The following PRELID3A variants were observed in gnomAD, a reference collection of about 807,000 sequenced individuals.
PRELID3A encodes the protein PRELI domain containing 3A.
Under a neutral mutation model 23.0 loss-of-function variants are expected in PRELID3A, and 27 were observed. The observed-to-expected ratio is 1.17, with a 90% CI of 0.87 to 1.62. The LOEUF (loss-of-function observed/expected upper bound fraction) is 1.62, where lower values mean the gene tolerates loss of function less well. Ranked by LOEUF, PRELID3A falls within the 40% of genes most tolerant of loss-of-function variation. The pLI is 0.00. For missense variants in PRELID3A, 231 were observed against 231.4 expected (o/e 1.00, Z 0.01); for synonymous variants, 87 against 86.4 (o/e 1.01, Z -0.04).
At chr18:12,419,973 C>T in intron 1 of PRELID3A, 1 of 330,146 alleles carries the variant, frequency 3.0e-6, no homozygotes, top group Non-Finnish European at 5.3e-6. Context: ...CCTGTAGTCC[C>T]AGCTACTGGA....
In PRELID3A at chr18:12,420,504, C is replaced by T. The variant is rs1454762734; in HGVS notation, c.201+11C>T. ...AGCCTCGTGAGAGCGGTGAGCGGGGCGGGGGCTGCGGCTCCGAACGCGCCC... is the reference window on the plus strand; with the variant it reads ...AGCCTCGTGAGAGCGGTGAGCGGGGTGGGGGCTGCGGCTCCGAACGCGCCC... On this transcript the variant is annotated intron_variant, in intron 2 of 6. Transcript: ENST00000440960. 7 of 1,511,446 alleles carry T rather than the reference C, an allele frequency of 4.6e-6. No homozygotes were observed. Among genetic ancestry groups the T allele is most frequent in the East Asian group, 5.0e-5 (2 of 39,746 alleles). 93.6% of individuals were successfully genotyped at this position (1,511,446 alleles called of 1,614,324 possible).
Position 12,408,004 on chromosome 18 carries a change from T to G in PRELID3A, c.29T>G (p.Phe10Cys). Residue 10 changes from phenylalanine to cysteine, a missense_variant, in exon 1 of 7, where the codon TTT (phenylalanine) becomes TGT (cysteine). Phe to Cys is a radical substitution (Grantham distance 205, BLOSUM62 -2). Coordinates refer to ENST00000440960, the MANE Select transcript of PRELID3A (RefSeq NM_001142405.2). ...AAGATCTGGAGCTCGGAGCACGTGT[T>G]TGGGTGAGGCCGGGCTGAGGGCCGC... MKIWSSEHV[F>C]GHPWDTVIQA... 7.8e-7 allele frequency: 1 copy of G among 1,287,396 alleles called. No individual in the cohort carries two copies. Among genetic ancestry groups the G allele is most frequent in the Non-Finnish European group, 9.8e-7 (1 of 1,018,276 alleles). The allele number at this position is 1,287,396 out of a possible 1,614,324, so 79.7% of individuals were successfully genotyped here.
Position 12,427,063 on chromosome 18 carries a change from C to A in PRELID3A, c.314C>A (p.Ser105Ter). The A allele has an allele frequency of 6.2e-7, 1 of 1,612,842 alleles. No homozygotes were observed. The highest frequency in any genetic ancestry group is 1.1e-5 in the South Asian group (1 of 91,046). The change falls in exon 4 of 7, where the codon TCA becomes TAA. Residue 105 changes from serine (S) to a stop codon, truncating the protein, a stop_gained. Coordinates refer to ENST00000440960, the MANE Select transcript of PRELID3A (RefSeq NM_001142405.2). LOFTEE classifies it high-confidence loss of function. The part of the protein sequence containing the change: ...STNITLTNLV[S>*]VNERLVYTPH... ...AAGATCACACTCACAAATTTGGTGT[C>A]AGTTAATGAGAGGTTGGTGTACACA...
intron 1 of PRELID3A, among the ~76,000 whole-genome samples, chr18:12,416,273 C>T (rs1401499969): frequency 6.6e-6 from 1 of 152,126 alleles, no homozygotes; most frequent in Admixed American, 6.6e-5. Context: ...GAAAGCGTGT[C>T]AGGCTATTTT....
At chr18:12,426,314 G>A (rs1172904147) in intron 3 of PRELID3A, among the ~76,000 whole-genome samples, 1 of 151,534 alleles carries the variant, frequency 6.6e-6, no homozygotes, top group Non-Finnish European at 1.5e-5. Flanking sequence ...CAGCACTTTG[G>A]GAGGCCAAGG....
chr18:12,414,162 A>T (rs1047627441), intron 1 of PRELID3A, among the ~76,000 whole-genome samples: 5 of 151,888 alleles, frequency 3.3e-5, no homozygotes, highest in African/African-American at 4.8e-5. Context: ...CTTGGGCCGC[A>T]GCAGCAGAGG....
At chr18:12,416,417 T>C (rs1598857522) in intron 1 of PRELID3A, among the ~76,000 whole-genome samples, 1 of 152,138 alleles carries the variant, frequency 6.6e-6, no homozygotes, top group Admixed American at 6.6e-5. Flanking sequence ...TAGGTGATCC[T>C]CCTGCCTCAA....
In PRELID3A at chr18:12,432,152, C is replaced by T. The variant is rs1312069008; in HGVS notation, c.*1036C>T. 6.6e-6 allele frequency: 1 copy of T among 152,274 alleles called. No individual in the cohort carries two copies. Among genetic ancestry groups the T allele is most frequent in the Non-Finnish European group, 1.5e-5 (1 of 68,056 alleles). 9.4% of individuals were successfully genotyped at this position (152,274 alleles called of 1,614,324 possible). On this transcript the variant is annotated 3_prime_UTR_variant, in exon 7 of 7. Transcript: ENST00000440960. ...GTCGGCTCTTTTTCGCAAAGCCTTCCAGAAGTTTTCTGTGCTTATGAAAGC... is the reference window on the plus strand; with the variant it reads ...GTCGGCTCTTTTTCGCAAAGCCTTCTAGAAGTTTTCTGTGCTTATGAAAGC...
At chr18:12,421,263 AG>A (rs1426737088) in intron 2 of PRELID3A, 1 of 419,498 alleles carries the variant, frequency 2.4e-6, no homozygotes, top group African/African-American at 2.0e-5. Context: ...CGCCCGGCAG[AG>A]GGGCCTCCTA....
chr18:12,415,403 G>C (rs1399754234), intron 1 of PRELID3A, among the ~76,000 whole-genome samples: 2 of 152,048 alleles, frequency 1.3e-5, no homozygotes, highest in Non-Finnish European at 2.9e-5. Flanking sequence ...GGGACTACAG[G>C]TGTGCGCCAC....
At chr18:12,419,348 G>T (rs2030066792) in intron 1 of PRELID3A, among the ~76,000 whole-genome samples, 1 of 138,024 alleles carries the variant, frequency 7.2e-6, no homozygotes, top group Non-Finnish European at 1.5e-5. Context: ...AAAAAAGTTG[G>T]CCAGGCGTGG....
chr18:12,413,275 C>T (rs1012628240), intron 1 of PRELID3A, among the ~76,000 whole-genome samples: 1 of 152,096 alleles, frequency 6.6e-6, no homozygotes, highest in African/African-American at 2.4e-5. Flanking sequence ...TATGTCTCTA[C>T]AAAAAATAAA....
At chr18:12,426,390 TA>T (rs1361346893) in intron 3 of PRELID3A, among the ~76,000 whole-genome samples, 1 of 147,150 alleles carries the variant, frequency 6.8e-6, no homozygotes, top group African/African-American at 2.5e-5. Context: ...CCGTCTCTAC[TA>T]AAAATACAAA....
chr18:12,418,540 G>A (rs2030036066), intron 1 of PRELID3A, among the ~76,000 whole-genome samples: 2 of 152,216 alleles, frequency 1.3e-5, no homozygotes, highest in East Asian at 1.9e-4. Flanking sequence ...ATAGGTGTGT[G>A]CACACATCTG....
intron 3 of PRELID3A, among the ~76,000 whole-genome samples, chr18:12,426,343 A>G (rs1269555156): frequency 6.6e-6 from 1 of 151,448 alleles, no homozygotes; most frequent in Non-Finnish European, 1.5e-5. Context: ...TCACGAGGTC[A>G]GGAGATCGAG....
At chr18:12,421,087 C>A (rs1242731693) in intron 2 of PRELID3A, among the ~76,000 whole-genome samples, 1 of 152,166 alleles carries the variant, frequency 6.6e-6, no homozygotes, top group African/African-American at 2.4e-5. Flanking sequence ...TCACCCCAAC[C>A]CGGCCCCTGG....
chr18:12,410,018 C>T (rs1289618911), intron 1 of PRELID3A, among the ~76,000 whole-genome samples: 3 of 152,154 alleles, frequency 2.0e-5, no homozygotes, highest in African/African-American at 4.8e-5. Flanking sequence ...TCACCCCTGC[C>T]CCAGGCAACC....
At chr18:12,420,665 G>A in intron 2 of PRELID3A, among the ~76,000 whole-genome samples, 172 bp downstream of exon 2, 1 of 142,150 alleles carries the variant, frequency 7.0e-6, no homozygotes, top group African/African-American at 2.6e-5. Flanking sequence ...GGTGGGGGTG[G>A]CGGTGGGGGG....
chr18:12,414,124 G>A (rs765489494), intron 1 of PRELID3A, among the ~76,000 whole-genome samples: 4 of 151,858 alleles, frequency 2.6e-5, no homozygotes, highest in Admixed American at 1.3e-4. Flanking sequence ...AAGTGCCGGC[G>A]CCCCCCAGAC....
Sources: gnomAD v4.1 joint callset for allele counts (sites outside exome capture counted in the v4.1 genomes callset) on GRCh38, gnomAD v4.1.1 for gene constraint, MANE v1.5 for transcripts, NCBI Gene and HGNC (gene_info 2026-07-23, HGNC 2026-07-21) for gene names.